IARS1: variants seen among roughly 807,000 people sequenced by gnomAD.
IARS1 encodes isoleucyl-tRNA synthetase 1.
IARS1 carries 124 observed loss-of-function variants against 168.2 expected under a neutral mutation model. That is an observed-to-expected ratio of 0.74 (90% CI 0.64 to 0.86). The LOEUF (loss-of-function observed/expected upper bound fraction) is 0.86, where lower values mean the gene tolerates loss of function less well. Ranked by LOEUF, IARS1 falls within the 40% of genes least tolerant of loss-of-function variation. The pLI, the probability that IARS1 is intolerant of heterozygous loss-of-function variation, is 0.00. For synonymous variants in IARS1, 532 were observed against 529.4 expected, an observed-to-expected ratio of 1.00 and a Z score of -0.07; for missense variants, 1,452 against 1,515.8, an observed-to-expected ratio of 0.96 and a Z score of 0.70.
intron 14 of IARS1, among the ~76,000 whole-genome samples, chr9:92,266,925 A>G (rs2133840194): frequency 6.6e-6 from 1 of 152,340 alleles, no homozygotes; most frequent in South Asian, 2.1e-4. Context: ...ATTCCTTTGT[A>G]GCTACACTAA....
At chr9:92,287,975 T>C in intron 3 of IARS1, 65 bp from the exon 4 acceptor site, 1 of 1,590,080 alleles carries the variant, frequency 6.3e-7, no homozygotes, top group East Asian at 2.2e-5. Flanking sequence ...TATGCAACTC[T>C]AGAAAACAAA....
chr9:92,232,582 T>C (rs547025332), intron 30 of IARS1, among the ~76,000 whole-genome samples: 2 of 152,268 alleles, frequency 1.3e-5, no homozygotes, highest in South Asian at 2.1e-4. Flanking sequence ...TATGAGAAAG[T>C]TGTAGTAGGT....
In IARS1 at chr9:92,288,329, T is replaced by A. The variant is rs773762301; in HGVS notation, c.120-47A>T. On this transcript the variant is annotated intron_variant, in intron 2 of 33. Transcript: ENST00000443024. Reference sequence around the variant, plus strand: ...TCAAGCCATTTAAAAACAGCCAAAATTTAAGGCATTTTTCTATAGATAGCT... The same window carrying A: ...TCAAGCCATTTAAAAACAGCCAAAAATTAAGGCATTTTTCTATAGATAGCT... 16 of 1,557,892 alleles carry A rather than the reference T, an allele frequency of 1.0e-5. No individual in the cohort carries two copies. In the South Asian group the frequency reaches 1.8e-4, roughly 17 times the overall value.
rs1486297947 is a variant in IARS1, at chr9:92,242,137, T to G, written c.3177+17A>C. 1 of 1,599,208 alleles carries G rather than the reference T, an allele frequency of 6.3e-7. No homozygotes were observed. The highest frequency in any genetic ancestry group is 1.7e-5 in the Admixed American group (1 of 59,374). ...CTGAAACCCTTTAGTAGTAGTTCAG[T>G]GGAACTCAGGACTCACCTGTGTTTT... On this transcript the variant is annotated intron_variant, in intron 29 of 33. Coordinates refer to ENST00000443024, the MANE Select transcript of IARS1 (RefSeq NM_002161.6).
intron 18 of IARS1, 132 bp from the exon 19 acceptor site, chr9:92,259,130 TTGAG>T (rs1831165788): frequency 2.6e-6 from 2 of 766,328 alleles, no homozygotes; most frequent in African/African-American, 1.8e-5. Flanking sequence ...TGAATACTCT[TTGAG>T]TGGTCAATTT....
At chr9:92,247,719 G>T (rs1458835304) in intron 25 of IARS1, among the ~76,000 whole-genome samples, 168 bp from the exon 26 acceptor site, 1 of 152,180 alleles carries the variant, frequency 6.6e-6, no homozygotes, top group East Asian at 1.9e-4. Context: ...ATGCAATAGA[G>T]TATTTGGCAA....
intron 30 of IARS1, among the ~76,000 whole-genome samples, chr9:92,234,382 T>A (rs1049722430): frequency 7.9e-5 from 12 of 152,082 alleles, no homozygotes; most frequent in Admixed American, 1.3e-4. Flanking sequence ...GCAAAACATA[T>A]CAAATCATAT....
At chr9:92,261,177 T>C (rs1364145619) in intron 17 of IARS1, among the ~76,000 whole-genome samples, 1 of 151,918 alleles carries the variant, frequency 6.6e-6, no homozygotes, top group Admixed American at 6.6e-5. Flanking sequence ...GGTGTGGTGG[T>C]TCATGCCTGT....
At chr9:92,291,589 G>T (rs6479416) in intron 1 of IARS1, among the ~76,000 whole-genome samples, 72,263 of 152,008 alleles carry the variant, frequency 0.48, 20,698 homozygotes, top group African/African-American at 0.81. Context: ...TAAACAGAAG[G>T]TTTAAGGCAT....
Position 92,245,090 on chromosome 9 carries a change from A to T in IARS1, c.2792-19T>A. 1.9e-6 allele frequency: 3 copies of T among 1,596,702 alleles called. No individual in the cohort carries two copies. The highest frequency in any genetic ancestry group is 2.7e-5 in the African/African-American group (2 of 74,544). ...ATGGTCCCTATGGAGAAGCAGCTAC[A>T]CTGTTAATCAGCTTCCCCTCCTCTT... On this transcript the variant is annotated intron_variant, in intron 26 of 33. Coordinates refer to ENST00000443024, the MANE Select transcript of IARS1 (RefSeq NM_002161.6).
chr9:92,273,640 C>A (rs569978209), intron 10 of IARS1, among the ~76,000 whole-genome samples: 1 of 152,214 alleles, frequency 6.6e-6, no homozygotes, highest in Non-Finnish European at 1.5e-5. Flanking sequence ...CCAGATTTTA[C>A]TACTATACAA....
intron 31 of IARS1, among the ~76,000 whole-genome samples, chr9:92,228,120 G>A (rs904589926): frequency 2.0e-5 from 3 of 152,166 alleles, no homozygotes; most frequent in African/African-American, 4.8e-5. Context: ...GATCACTGGC[G>A]GTTAGGAGCT....
At chr9:92,279,526 T>G (rs2133933012) in intron 7 of IARS1, among the ~76,000 whole-genome samples, 1 of 152,260 alleles carries the variant, frequency 6.6e-6, no homozygotes. Flanking sequence ...TCCTATTTGC[T>G]CCCAGGAAAG....
chr9:92,269,829 ATACT>A, intron 13 of IARS1, 52 bp downstream of exon 13: 1 of 1,184,322 alleles, frequency 8.4e-7, no homozygotes, highest in Non-Finnish European at 1.3e-6. Context: ...AGTGTAAACC[ATACT>A]TACTAACCAC....
At chr9:92,286,458 T>G (rs1459476463) in intron 5 of IARS1, 78 bp downstream of exon 5, 4 of 735,308 alleles carry the variant, frequency 5.4e-6, no homozygotes, top group African/African-American at 1.8e-5. Flanking sequence ...ATAAACTGAT[T>G]CATGCTAGTG....
intron 31 of IARS1, among the ~76,000 whole-genome samples, chr9:92,226,810 T>C (rs889620583): frequency 2.0e-5 from 3 of 150,856 alleles, no homozygotes; most frequent in East Asian, 1.9e-4. Context: ...CCACCTTCTT[T>C]TTTTTTTTTT....
intron 30 of IARS1, among the ~76,000 whole-genome samples, chr9:92,236,499 A>C (rs151318343): frequency 1.1e-3 from 164 of 152,342 alleles, no homozygotes; most frequent in Non-Finnish European, 2.3e-3. Flanking sequence ...AGGGCCATTA[A>C]AATTATCTGT....
chr9:92,274,180 T>C (rs1422361024), intron 10 of IARS1, among the ~76,000 whole-genome samples: 2 of 152,194 alleles, frequency 1.3e-5, no homozygotes, highest in Non-Finnish European at 2.9e-5. Flanking sequence ...TGCACGTCTC[T>C]AGATGCCTGT....
chr9:92,279,427 T>G (rs1564186004), intron 7 of IARS1, among the ~76,000 whole-genome samples: 1 of 152,202 alleles, frequency 6.6e-6, no homozygotes, highest in Admixed American at 6.5e-5. Context: ...ATTGTGCAGA[T>G]GGGACTGTCC....
Sources: allele counts gnomAD v4.1 joint callset (sites outside exome capture counted in the v4.1 genomes callset), GRCh38; gene constraint gnomAD v4.1.1; transcripts MANE v1.5; gene names NCBI Gene and HGNC (gene_info 2026-07-23, HGNC 2026-07-21).